GRID2IP: variants seen among roughly 807,000 people sequenced by gnomAD.
GRID2IP encodes Grid2 interacting protein.
A neutral mutation model predicts 114.3 loss-of-function variants in GRID2IP; 78 were observed. That is an observed-to-expected ratio of 0.68 (90% CI 0.57 to 0.82). The LOEUF (loss-of-function observed/expected upper bound fraction) is 0.82, where lower values mean the gene tolerates loss of function less well. Ranked by LOEUF, GRID2IP falls within the 40% of genes least tolerant of loss-of-function variation. The probability of loss-of-function intolerance (pLI) is 0.00; values close to 1 mark genes in which losing one functional copy is unlikely to be tolerated. For missense variants in GRID2IP, 1,727 were observed against 1,678.5 expected, an observed-to-expected ratio of 1.03 and a Z score of -0.51; for synonymous variants, 809 against 724.0, an observed-to-expected ratio of 1.12 and a Z score of -1.89.
At chr7:6,498,459 C>A (rs1786321259) in intron 20 of GRID2IP, among the ~76,000 whole-genome samples, 1 of 152,094 alleles carries the variant, frequency 6.6e-6, no homozygotes, top group Non-Finnish European at 1.5e-5. Context: ...GGCCATTCAC[C>A]CCTGTTCTCT....
At chr7:6,550,687 G>GGT in intron 1 of GRID2IP, among the ~76,000 whole-genome samples, 1 of 151,296 alleles carries the variant, frequency 6.6e-6, no homozygotes, top group Admixed American at 6.6e-5. Flanking sequence ...AAATTAGCTG[G>GGT]GTGTGGTGGC....
chr7:6,520,458 C>T lies in GRID2IP; in HGVS notation c.1268+120G>A. 1 of 1,174,136 alleles carries T rather than the reference C, an allele frequency of 8.5e-7. No individual in the cohort carries two copies. Among genetic ancestry groups the T allele is most frequent in the Non-Finnish European group, 1.2e-6 (1 of 857,442 alleles). The allele number at this position is 1,174,136 out of a possible 1,614,324, so 72.7% of individuals were successfully genotyped here. ...GCCCCTGATACCAGCAGCCACCTTC[C>T]TGAGCATCCCCCAGGAGAACGGGAC... On this transcript the variant is annotated intron_variant, in intron 7 of 21. Transcript: ENST00000457091. This position sits in a 1 kb window ranked among gnomAD's most constrained non-coding sequence, Gnocchi z 4.6.
At chr7:6,549,524 A>G (rs910265982) in intron 1 of GRID2IP, among the ~76,000 whole-genome samples, 1 of 152,264 alleles carries the variant, frequency 6.6e-6, no homozygotes, top group African/African-American at 2.4e-5. Context: ...GGCCTCCTGC[A>G]GCCAACAAGC....
At position 6,526,077 on chromosome 7, in the gene GRID2IP, C is replaced by T. The variant is rs915124175; in HGVS notation, c.919+147G>A. 2 of 644,742 alleles carry T rather than the reference C, an allele frequency of 3.1e-6. No homozygotes were observed. The highest frequency in any genetic ancestry group is 3.6e-5 in the African/African-American group (2 of 55,468). The allele number at this position is 644,742 out of a possible 1,614,324, so 39.9% of individuals were successfully genotyped here. On this transcript the variant is annotated intron_variant, in intron 4 of 21. Transcript: ENST00000457091. This position sits in a 1 kb window ranked among gnomAD's most constrained non-coding sequence, Gnocchi z 7.6. ...TGCTGGCTCTGGGACACTCTGGGGA[C>T]ACGGTCTACACAAGGATGGTACCTG...
chr7:6,502,955 G>A (rs1443165870), intron 17 of GRID2IP, 53 bp downstream of exon 17: 3 of 1,546,822 alleles, frequency 1.9e-6, no homozygotes, highest in Non-Finnish European at 2.6e-6. Flanking sequence ...CAGGCTGGAA[G>A]CCCCAGGAGG....
intron 8 of GRID2IP, among the ~76,000 whole-genome samples, chr7:6,511,696 C>T (rs929410894): frequency 2.0e-5 from 3 of 151,782 alleles, no homozygotes; most frequent in Non-Finnish European, 2.9e-5. Context: ...TTTGAGCCTA[C>T]GCAGATATGT....
chr7:6,503,955 T>C (rs1583332905), intron 15 of GRID2IP, among the ~76,000 whole-genome samples: 1 of 83,592 alleles, frequency 1.2e-5, no homozygotes, highest in African/African-American at 4.8e-5. Flanking sequence ...GGCCGCTCGG[T>C]GAGCAGGGGC....
chr7:6,509,531 G>A lies in GRID2IP; in HGVS notation c.1772-218C>T, dbSNP rs1583337073. ...AGGAGCACTGCTCGGCCTCAGGACA[G>A]GCTGGACGCCAGCTCACCTTGGAAT... is the stretch of plus-strand genomic sequence containing the variant. On this transcript the variant is annotated intron_variant, in intron 11 of 21. Transcript: ENST00000457091. This position sits in a 1 kb window ranked among gnomAD's most constrained non-coding sequence, Gnocchi z 4.9. Among the ~76,000 whole-genome samples the A allele has an allele frequency of 6.6e-6, 1 of 152,174 alleles. No individual in the cohort carries two copies. The highest frequency in any genetic ancestry group is 1.5e-5 in the Non-Finnish European group (1 of 68,016).
intron 20 of GRID2IP, among the ~76,000 whole-genome samples, chr7:6,501,039 G>C (rs1460323244): frequency 1.3e-5 from 2 of 152,178 alleles, no homozygotes; most frequent in Non-Finnish European, 2.9e-5. Context: ...CACAGACTTG[G>C]CATAAGCACT....
chr7:6,532,204 C>G lies in GRID2IP; in HGVS notation c.585-5435G>C, dbSNP rs1428085101. On this transcript the variant is annotated intron_variant, in intron 2 of 21. Transcript: ENST00000457091. The surrounding 1 kb of genome is among the most constrained non-coding windows in gnomAD (Gnocchi z 4.4). ...GACTGCCTCTGGAGAGGCCCAGAAT[C>G]AGGCCTGAGGAACAAATGAGAGTTG... Among the ~76,000 whole-genome samples, 5 of 152,126 alleles carry G rather than the reference C, an allele frequency of 3.3e-5. No homozygotes were observed. Among genetic ancestry groups the G allele is most frequent in the African/African-American group, 1.2e-4 (5 of 41,428 alleles).
At chr7:6,517,713 G>GC (rs1299370872) in intron 7 of GRID2IP, among the ~76,000 whole-genome samples, 3 of 151,398 alleles carry the variant, frequency 2.0e-5, no homozygotes, top group Non-Finnish European at 4.4e-5. Flanking sequence ...GACCAGCCTG[G>GC]CCAACATGGT....
At chr7:6,503,342 A>G in intron 16 of GRID2IP, 149 bp downstream of exon 16, 1 of 980,752 alleles carries the variant, frequency 1.0e-6, no homozygotes, top group Non-Finnish European at 1.5e-6. Flanking sequence ...CCCTGATAGG[A>G]CCCGGCCATT....
chr7:6,514,288 T>C (rs1779247117), intron 8 of GRID2IP, 87 bp downstream of exon 8: 23 of 1,174,064 alleles, frequency 2.0e-5, no homozygotes, highest in Non-Finnish European at 2.4e-5. Flanking sequence ...CACCTTCACA[T>C]GTGAGAACAG....
Position 6,509,375 on chromosome 7 carries a change from C to G in GRID2IP, c.1772-62G>C. On this transcript the variant is annotated intron_variant, in intron 11 of 21. Transcript: ENST00000457091. The surrounding 1 kb of genome is among the most constrained non-coding windows in gnomAD (Gnocchi z 4.9). ...CCAGCACCGAGGTTCCAGGTGCAAG[C>G]TGGAGAGAGGGTCCTAGGACAGACT... 1.4e-6 allele frequency: 2 copies of G among 1,408,324 alleles called. No homozygotes were observed. Among genetic ancestry groups the G allele is most frequent in the Non-Finnish European group, 1.9e-6 (2 of 1,059,658 alleles). 87.2% of individuals were successfully genotyped at this position (1,408,324 alleles called of 1,614,324 possible).
chr7:6,536,077 T>C lies in GRID2IP; in HGVS notation c.584+3641A>G, dbSNP rs1779718198. 6.6e-6 allele frequency among the ~76,000 whole-genome samples: 1 copy of C among 152,112 alleles called. No individual in the cohort carries two copies. Among genetic ancestry groups the C allele is most frequent in the Non-Finnish European group, 1.5e-5 (1 of 68,008 alleles). Reference sequence around the variant, plus strand: ...GCTTCTCCATGCCCCCTCTGACCTCTCTCCAGATGGGGCTGCCCAGAGATC... The same window carrying C: ...GCTTCTCCATGCCCCCTCTGACCTCCCTCCAGATGGGGCTGCCCAGAGATC... On this transcript the variant is annotated intron_variant, in intron 2 of 21. Coordinates refer to ENST00000457091, the MANE Select transcript of GRID2IP (RefSeq NM_001145118.2). The surrounding 1 kb of genome is among the most constrained non-coding windows in gnomAD (Gnocchi z 5.3).
chr7:6,502,775 G>A lies in GRID2IP; in HGVS notation c.3150+11C>T. 1 of 1,546,618 alleles carries A rather than the reference G, an allele frequency of 6.5e-7. No homozygotes were observed. Among genetic ancestry groups the A allele is most frequent in the Non-Finnish European group, 8.8e-7 (1 of 1,142,228 alleles). ...GCAAACCAGTCGATTGCTGCCGGCA[G>A]GTCCCCTCACCTCTGTCAGAAAGTT... On this transcript the variant is annotated intron_variant, in intron 18 of 21. Coordinates refer to ENST00000457091, the MANE Select transcript of GRID2IP (RefSeq NM_001145118.2).
chr7:6,527,760 A>ATTTTTT (rs111974045), intron 2 of GRID2IP, among the ~76,000 whole-genome samples: 1 of 142,280 alleles, frequency 7.0e-6, no homozygotes, highest in East Asian at 2.0e-4. Flanking sequence ...CACCAGGCTA[A>ATTTTTT]TTTTTTTTTT....
Position 6,504,887 on chromosome 7 carries a change from C to T in GRID2IP, c.2633-17G>A. The T allele has an allele frequency of 6.5e-7, 1 of 1,550,384 alleles. No homozygotes were observed. ...GCACCGGTTCTGGAAAAGAAACTGA[C>T]AGTTTACGGAGGCGGCTAGGCTGAG... is the stretch of plus-strand genomic sequence containing the variant. On this transcript the variant is annotated splice_polypyrimidine_tract_variant and intron_variant, in intron 14 of 21. Transcript: ENST00000457091.
At position 6,519,751 on chromosome 7, in the gene GRID2IP, C is replaced by G. The variant is rs1389379419; in HGVS notation, c.1268+827G>C. The stretch of plus-strand genomic sequence containing the variant: ...CAGCCTGGGCAACGAGAGTGAAACA[C>G]CATCTCAAAAAACAAAAACAAAAAT... On this transcript the variant is annotated intron_variant, in intron 7 of 21. Coordinates refer to ENST00000457091, the MANE Select transcript of GRID2IP (RefSeq NM_001145118.2). The surrounding 1 kb of genome is among the most constrained non-coding windows in gnomAD (Gnocchi z 4.1). 6.6e-6 allele frequency among the ~76,000 whole-genome samples: 1 copy of G among 151,884 alleles called. No individual in the cohort carries two copies. Among genetic ancestry groups the G allele is most frequent in the African/African-American group, 2.4e-5 (1 of 41,348 alleles).
Sources: allele counts gnomAD v4.1 joint callset (sites outside exome capture counted in the v4.1 genomes callset), GRCh38; gene constraint gnomAD v4.1.1; non-coding constraint Gnocchi (gnomAD v3.1); transcripts MANE v1.5; gene names NCBI Gene and HGNC (gene_info 2026-07-23, HGNC 2026-07-21).